Variants in PEX2 observed in about 807,000 individuals in gnomAD.
PEX2 encodes peroxisomal biogenesis factor 2, also known as peroxisome biogenesis factor 2.
Under a neutral mutation model 25.2 loss-of-function variants are expected in PEX2, and 19 were observed. The observed-to-expected ratio is 0.75, with a 90% CI of 0.53 to 1.10. The LOEUF is 1.10. Ranked by LOEUF, PEX2 falls within the 50% of genes least tolerant of loss-of-function variation. The pLI is 0.00. For synonymous variants in PEX2, 141 were observed against 127.7 expected (o/e 1.10, Z -0.70); for missense variants, 347 against 350.6 (o/e 0.99, Z 0.08).
At chr8:77,000,610 C>T (rs1049592337), upstream of PEX2, among the ~76,000 whole-genome samples, 1 of 152,202 alleles carries the variant, frequency 6.6e-6, no homozygotes, top group Non-Finnish European at 1.5e-5. Context: ...TGGAGACCTG[C>T]CCGCCCTCGG....
rs148428490 is a variant in PEX2 at position 76,984,156 on chromosome 8, G to A, written c.23C>T (p.Ala8Val). The A allele has an allele frequency of 2.2e-5, 35 of 1,613,814 alleles. No individual in the cohort carries two copies. Among genetic ancestry groups the A allele is most frequent in the South Asian group, 4.4e-5 (4 of 91,058 alleles). The change falls in exon 4 of 4, where the codon GCG becomes GTG. Residue 8 changes from alanine to valine, a missense_variant. By Grantham distance (64) the Ala-to-Val change is moderately conservative. Coordinates refer to ENST00000357039, the MANE Select transcript of PEX2 (RefSeq NM_000318.3). ...TCTTAGCACTCTGTTTGCACTCTTC[G>A]CATTCTCTTTTCTGGAAGCCATGTC... MASRKENAKSANRVLRIS... is the reference protein window; with the variant it reads MASRKENVKSANRVLRIS...
chr8:76,999,951 C>T, intron 1 of PEX2, 39 bp downstream of exon 1: 1 of 456,612 alleles, frequency 2.2e-6, no homozygotes, highest in Non-Finnish European at 4.4e-6. Flanking sequence ...AAAACAAGAC[C>T]TCGGGTTTGC....
intron 3 of PEX2, 143 bp from the exon 4 acceptor site, chr8:76,984,338 G>A (rs1010855463): frequency 6.0e-5 from 37 of 614,848 alleles, no homozygotes; most frequent in African/African-American, 4.3e-4. Flanking sequence ...ATAGTACAGC[G>A]AATAATCACT....
chr8:76,993,881 T>C (rs1033205291), intron 1 of PEX2, among the ~76,000 whole-genome samples: 3 of 152,160 alleles, frequency 2.0e-5, no homozygotes, highest in African/African-American at 7.2e-5. Flanking sequence ...TATAAAAATA[T>C]GTAACTAAAA....
chr8:76,988,772 C>T (rs1221064181), intron 1 of PEX2, among the ~76,000 whole-genome samples: 1 of 152,156 alleles, frequency 6.6e-6, no homozygotes, highest in Non-Finnish European at 1.5e-5. Context: ...CAGTCTCAAA[C>T]CCTGCCATTG....
At chr8:77,000,316 C>T, upstream of PEX2, 1 of 289,566 alleles carries the variant, frequency 3.5e-6, no homozygotes, top group Non-Finnish European at 6.7e-6. Context: ...CTCTGATTGG[C>T]AGGAGAGTCA....
At chr8:76,991,743 A>G (rs917263894) in intron 1 of PEX2, among the ~76,000 whole-genome samples, 3 of 152,210 alleles carry the variant, frequency 2.0e-5, no homozygotes, top group Non-Finnish European at 4.4e-5. Context: ...CTTACTTGCT[A>G]TGAGATCTTA....
In PEX2 at chr8:76,980,454, CCT is replaced by C. The variant is rs2132039022; in HGVS notation, c.*2805_*2806del. 6.6e-6 allele frequency: 1 copy of C among 152,344 alleles called. No homozygotes were observed. The highest frequency in any genetic ancestry group is 1.9e-4 in the East Asian group (1 of 5,190). 9.4% of individuals were successfully genotyped at this position (152,344 alleles called of 1,614,324 possible). Reference sequence around the variant, plus strand: ...GCCAGCATCCACCCTTCTAAGAACACCTCAGTTTCCTGTGGTGAACGGCCTCC... The same window carrying C: ...GCCAGCATCCACCCTTCTAAGAACACCAGTTTCCTGTGGTGAACGGCCTCC... On this transcript the variant is annotated 3_prime_UTR_variant, in exon 4 of 4. Coordinates refer to ENST00000357039, the MANE Select transcript of PEX2 (RefSeq NM_000318.3).
chr8:77,000,085 G>A, upstream of PEX2: 1 of 393,844 alleles, frequency 2.5e-6, no homozygotes, highest in Non-Finnish European at 5.0e-6. Flanking sequence ...GATTACCAAG[G>A]CTTCCGGAAC....
intron 1 of PEX2, among the ~76,000 whole-genome samples, chr8:76,997,695 C>G (rs888121831): frequency 6.6e-6 from 1 of 152,028 alleles, no homozygotes; most frequent in Non-Finnish European, 1.5e-5. Context: ...TATTGACAGG[C>G]AGTAATAAGG....
chr8:76,983,005 G>C lies in PEX2; in HGVS notation c.*256C>G, dbSNP rs919789713. ...GAAGGAGCATTGTTAGTAGTCACCT[G>C]ACAAAAGCTGTCCATTATTCTTGAC... On this transcript the variant is annotated 3_prime_UTR_variant, in exon 4 of 4. Transcript: ENST00000357039. 3.0e-6 allele frequency: 3 copies of C among 992,506 alleles called. No homozygotes were observed. Among genetic ancestry groups the C allele is most frequent in the African/African-American group, 3.3e-5 (2 of 60,924 alleles). 61.5% of individuals were successfully genotyped at this position (992,506 alleles called of 1,614,324 possible).
chr8:76,999,897 C>A (rs1379282044), intron 1 of PEX2, 93 bp downstream of exon 1: 2 of 456,630 alleles, frequency 4.4e-6, no homozygotes, highest in South Asian at 3.1e-5. Flanking sequence ...AAAAAGCAAA[C>A]GGCGACAATT....
In PEX2 at chr8:76,981,056, A is replaced by G. The variant is rs568579885; in HGVS notation, c.*2205T>C. ...CAGTGTGCAGCTGGACTCTTCACTT[A>G]ATGAACTCAGATTCAACATTGCATT... On this transcript the variant is annotated 3_prime_UTR_variant, in exon 4 of 4. Transcript: ENST00000357039. 1 of 152,362 alleles carries G rather than the reference A, an allele frequency of 6.6e-6. No homozygotes were observed. Among genetic ancestry groups the G allele is most frequent in the Admixed American group, 6.5e-5 (1 of 15,306 alleles). The allele number at this position is 152,362 out of a possible 1,614,324, so 9.4% of individuals were successfully genotyped here.
At position 76,982,427 on chromosome 8, in the gene PEX2, T is replaced by G. The variant is rs1806857653; in HGVS notation, c.*834A>C. ...CACTTCCAAGCTGCCTTAAGTAATTTTTACTTTCTGAATATAAAGCCAACT... is the reference window on the plus strand; with the variant it reads ...CACTTCCAAGCTGCCTTAAGTAATTGTTACTTTCTGAATATAAAGCCAACT... On this transcript the variant is annotated 3_prime_UTR_variant, in exon 4 of 4. Transcript: ENST00000357039. The G allele has an allele frequency of 6.6e-6, 1 of 152,202 alleles. No individual in the cohort carries two copies. The allele number at this position is 152,202 out of a possible 1,614,324, so 9.4% of individuals were successfully genotyped here.
intron 1 of PEX2, chr8:76,999,661 A>C: frequency 2.7e-6 from 1 of 364,878 alleles, no homozygotes; most frequent in Non-Finnish European, 5.4e-6. Flanking sequence ...ATAAGAGGTA[A>C]ATATCTTCAC....
chr8:76,984,101 GTT>G lies in PEX2; in HGVS notation c.76_77del (p.Asn26GlnfsTer19). The part of the protein sequence containing the change: ...RISQLDALEL[N>X]KALEQLVWSQ... ...ACCAAACTAGCTGCTCCAGGGCCTT[GTT>G]TAGTTCAAGTGCATCCAACTGGCTT... On this transcript the variant is annotated frameshift_variant, in exon 4 of 4. Coordinates refer to ENST00000357039, the MANE Select transcript of PEX2 (RefSeq NM_000318.3). LOFTEE classifies it high-confidence loss of function. 1 of 1,613,624 alleles carries G rather than the reference GTT, an allele frequency of 6.2e-7. No individual in the cohort carries two copies. The highest frequency in any genetic ancestry group is 8.5e-7 in the Non-Finnish European group (1 of 1,179,800).
chr8:76,993,415 T>TG lies in PEX2; in HGVS notation c.-159-5078dup, dbSNP rs563177553. Among the ~76,000 whole-genome samples, 5 of 152,148 alleles carry TG rather than the reference T, an allele frequency of 3.3e-5. No homozygotes were observed. In the South Asian group the frequency reaches 1.0e-3, roughly 32 times the overall value. Reference sequence around the variant, plus strand: ...AGTAATTTAACTTACTTAAGAACCATGGAAATCAAGAGGAAGACTATACTA... The same window carrying TG: ...AGTAATTTAACTTACTTAAGAACCATGGGAAATCAAGAGGAAGACTATACTA... On this transcript the variant is annotated intron_variant, in intron 1 of 3. Transcript: ENST00000357039.
At chr8:76,994,326 T>A (rs1379567752) in intron 1 of PEX2, among the ~76,000 whole-genome samples, 1 of 152,194 alleles carries the variant, frequency 6.6e-6, no homozygotes, top group Non-Finnish European at 1.5e-5. Context: ...TTTTATAGTT[T>A]TATTGAGTAT....
chr8:76,991,045 C>T (rs1563610391), intron 1 of PEX2, among the ~76,000 whole-genome samples: 1 of 152,156 alleles, frequency 6.6e-6, no homozygotes. Flanking sequence ...CTATGATGTT[C>T]GCACAATGAT....
Sources: gnomAD v4.1 joint callset for allele counts (sites outside exome capture counted in the v4.1 genomes callset) on GRCh38, gnomAD v4.1.1 for gene constraint, MANE v1.5 for transcripts, NCBI Gene and HGNC (gene_info 2026-07-23, HGNC 2026-07-21) for gene names.